Variants in CTNNA2 observed in about 807,000 individuals in gnomAD.
The protein encoded by CTNNA2 is catenin alpha-2.
A neutral mutation model predicts 101.0 loss-of-function variants in CTNNA2; 42 were observed. The ratio of observed to expected loss-of-function variants is 0.42; its 90% CI spans 0.32 to 0.54. The LOEUF is 0.54. CTNNA2 is among the 20% of genes least tolerant of loss of function. CTNNA2 has a pLI of 0.14. For synonymous variants in CTNNA2, 450 were observed against 456.4 expected, an observed-to-expected ratio of 0.99 and a Z score of 0.18; for missense variants, 871 against 1,223.1, an observed-to-expected ratio of 0.71 and a Z score of 4.29.
intron 7 of CTNNA2, among the ~76,000 whole-genome samples, chr2:80,025,915 A>G (rs771494357): frequency 6.6e-6 from 1 of 152,184 alleles, no homozygotes; most frequent in Non-Finnish European, 1.5e-5. Flanking sequence ...ACAAAAACCT[A>G]GTTTTCCTGG....
At chr2:79,722,946 A>G (rs933864259) in intron 2 of CTNNA2, among the ~76,000 whole-genome samples, 1 of 152,228 alleles carries the variant, frequency 6.6e-6, no homozygotes, top group Non-Finnish European at 1.5e-5. Context: ...ACAAAAGTGA[A>G]CCACCTTTTT....
chr2:80,375,737 G>T (rs2149340799), intron 7 of CTNNA2, among the ~76,000 whole-genome samples: 1 of 151,840 alleles, frequency 6.6e-6, no homozygotes, highest in African/African-American at 2.4e-5. Flanking sequence ...GCTAATTTTT[G>T]TATTTTTAGT....
chr2:79,311,452 T>C (rs914443854), intron 2 of CTNNA2, among the ~76,000 whole-genome samples: 8 of 150,670 alleles, frequency 5.3e-5, no homozygotes, highest in Non-Finnish European at 7.4e-5. Context: ...CTTAAATGAT[T>C]TCTAAGGACT....
chr2:79,598,291 T>C (rs547492693), intron 1 of CTNNA2, among the ~76,000 whole-genome samples: 1 of 152,350 alleles, frequency 6.6e-6, no homozygotes, highest in African/African-American at 2.4e-5. Flanking sequence ...GGTTTTTGTG[T>C]GGACACATGA....
intron 18 of CTNNA2, 74 bp from the exon 19 acceptor site, chr2:80,647,511 T>C (rs1321777451): frequency 8.1e-7 from 1 of 1,229,686 alleles, no homozygotes; most frequent in African/African-American, 1.5e-5. Flanking sequence ...ATTTTAACCG[T>C]GAAAGTACAT....
At position 79,907,412 on chromosome 2, in the gene CTNNA2, G is replaced by C. The variant is rs186228076; in HGVS notation, c.853-2182G>C. ...CAGAAAGGCAGTAGAAAGCGAGAGA[G>C]AGTATGTGAGAGAAAGAGAGATGGT... On this transcript the variant is annotated intron_variant, in intron 6 of 18. Transcript: ENST00000402739. Among the ~76,000 whole-genome samples the C allele has an allele frequency of 4.3e-4, 65 of 152,214 alleles. 1 individual carries two copies. The highest frequency in any genetic ancestry group is 2.6e-4 in the Non-Finnish European group (18 of 68,012).
Position 80,002,628 on chromosome 2 carries a change from GAGAATCCTACACTAGGAACAGGGAAACC to G in CTNNA2, c.1056+92832_1056+92859del, listed in dbSNP as rs1348164740. The stretch of plus-strand genomic sequence containing the variant: ...TGTAGACTCGGTGGGCTGTAGTGGA[GAGAATCCTACACTAGGAACAGGGAAACC>G]TAAGTTCTTGCCCAGTGCTGACACC... On this transcript the variant is annotated intron_variant, in intron 7 of 18. Transcript: ENST00000402739. 2.6e-5 allele frequency among the ~76,000 whole-genome samples: 4 copies of G among 151,032 alleles called. No individual in the cohort carries two copies. The East Asian group carries it at 7.8e-4, about 29-fold the overall frequency.
In CTNNA2 at chr2:80,393,282, A is replaced by G. The variant is rs750589147; in HGVS notation, c.1128A>G (p.Leu376=). The G allele has an allele frequency of 1.2e-6, 2 of 1,607,152 alleles. No homozygotes were observed. The highest frequency in any genetic ancestry group is 1.3e-5 in the African/African-American group (1 of 74,714). ...IDKMTKKTRD[L]RRQLRKAVMD... is the part of the protein sequence containing the mutation. ...AGATGACTAAGAAAACAAGAGATCT[A>G]AGGAGACAGGTACTATTTTTTATTT... The change falls in exon 8 of 19, where the codon CTA becomes CTG. Residue 376 remains leucine, a synonymous_variant. Transcript: ENST00000402739.
intron 4 of CTNNA2, among the ~76,000 whole-genome samples, chr2:79,375,034 T>C (rs1222617414): frequency 6.6e-6 from 1 of 152,172 alleles, no homozygotes; most frequent in Non-Finnish European, 1.5e-5. Flanking sequence ...GAGTTGCTCA[T>C]TTTTGGAACA....
At chr2:79,819,889 G>A (rs903624516) in intron 3 of CTNNA2, among the ~76,000 whole-genome samples, 10 of 151,628 alleles carry the variant, frequency 6.6e-5, no homozygotes, top group African/African-American at 2.2e-4. Context: ...AATATCACAT[G>A]TACCCTATAA....
chr2:79,909,850 G>A (rs770453272), intron 7 of CTNNA2, 53 bp downstream of exon 7: 11 of 1,510,596 alleles, frequency 7.3e-6, no homozygotes, highest in Non-Finnish European at 9.9e-6. Flanking sequence ...TTCTGCAATC[G>A]TGTTGCTCTT....
intron 7 of CTNNA2, among the ~76,000 whole-genome samples, chr2:80,330,023 G>A (rs968165593): frequency 6.6e-6 from 1 of 152,196 alleles, no homozygotes; most frequent in African/African-American, 2.4e-5. Flanking sequence ...GTCCTTCTAT[G>A]GAACACTTCC....
At chr2:79,744,642 T>C in intron 3 of CTNNA2, 60 bp downstream of exon 3, 1 of 1,449,392 alleles carries the variant, frequency 6.9e-7, no homozygotes, top group Non-Finnish European at 9.3e-7. Context: ...ACAATGGCTT[T>C]TTCTTTAGAA....
intron 2 of CTNNA2, among the ~76,000 whole-genome samples, chr2:79,721,584 G>C (rs1686492755): frequency 6.6e-6 from 1 of 152,184 alleles, no homozygotes; most frequent in South Asian, 2.1e-4. Context: ...TTGCCTTACT[G>C]TTTATAAATT....
intron 4 of CTNNA2, among the ~76,000 whole-genome samples, chr2:79,395,878 T>A (rs926914138): frequency 6.6e-6 from 1 of 152,166 alleles, no homozygotes; most frequent in East Asian, 1.9e-4. Flanking sequence ...ATGGAAATTA[T>A]AACAGGCCTC....
intron 7 of CTNNA2, among the ~76,000 whole-genome samples, chr2:80,160,624 G>A (rs1377406375): frequency 6.6e-6 from 1 of 152,128 alleles, no homozygotes; most frequent in African/African-American, 2.4e-5. Flanking sequence ...TATGTTTCAT[G>A]TATATTGTAT....
At chr2:79,217,908 T>C (rs1674287355) in intron 2 of CTNNA2, among the ~76,000 whole-genome samples, 1 of 152,230 alleles carries the variant, frequency 6.6e-6, no homozygotes, top group Non-Finnish European at 1.5e-5. Context: ...TTAACTAGCT[T>C]GTGACACCAC....
intron 3 of CTNNA2, among the ~76,000 whole-genome samples, chr2:79,756,028 T>C (rs915940892): frequency 3.3e-5 from 5 of 151,126 alleles, no homozygotes; most frequent in Non-Finnish European, 4.4e-5. Flanking sequence ...AAATAAAATA[T>C]ATTTGTATGC....
chr2:80,070,539 T>G (rs748411779), intron 7 of CTNNA2, among the ~76,000 whole-genome samples: 62 of 151,990 alleles, frequency 4.1e-4, no homozygotes, highest in Non-Finnish European at 6.0e-4. Flanking sequence ...AGACTTTGTC[T>G]CTACAAAAAA....
Sources: allele counts gnomAD v4.1 joint callset (sites outside exome capture counted in the v4.1 genomes callset), GRCh38; gene constraint gnomAD v4.1.1; transcripts MANE v1.5; gene names NCBI Gene and HGNC (gene_info 2026-07-23, HGNC 2026-07-21).